The following GMDS variants were observed in gnomAD, a reference collection of about 807,000 sequenced individuals.
The protein encoded by GMDS is GDP-mannose 4,6 dehydratase.
A neutral mutation model predicts 49.9 loss-of-function variants in GMDS; 20 were observed. The ratio of observed to expected loss-of-function variants is 0.40; its 90% CI spans 0.28 to 0.58. The LOEUF is 0.58. Ranked by LOEUF, GMDS falls within the 20% of genes least tolerant of loss-of-function variation. GMDS has a pLI of 0.42. For synonymous variants in GMDS, 177 were observed against 178.6 expected (o/e 0.99, Z 0.07); for missense variants, 362 against 481.4 (o/e 0.75, Z 2.32).
intron 1 of GMDS, among the ~76,000 whole-genome samples, chr6:2,184,230 G>A (rs1420082283): frequency 6.6e-6 from 1 of 152,028 alleles, no homozygotes; most frequent in Non-Finnish European, 1.5e-5. Context: ...CTCTTAATAG[G>A]TATATTTTCT....
At chr6:1,706,496 TCTGA>T (rs1481784807) in intron 9 of GMDS, among the ~76,000 whole-genome samples, 1 of 152,226 alleles carries the variant, frequency 6.6e-6, no homozygotes, top group Non-Finnish European at 1.5e-5. Context: ...GATGCTGAAG[TCTGA>T]CTAACATACT....
intron 4 of GMDS, among the ~76,000 whole-genome samples, chr6:2,011,966 T>C (rs1175031400): frequency 6.6e-6 from 1 of 152,176 alleles, no homozygotes; most frequent in Non-Finnish European, 1.5e-5. Context: ...TTTCTAGCAA[T>C]GTGTATGAAA....
intron 4 of GMDS, among the ~76,000 whole-genome samples, chr6:2,027,937 C>G (rs1365719820): frequency 6.6e-6 from 1 of 151,978 alleles, no homozygotes; most frequent in East Asian, 1.9e-4. Context: ...TTCTTCTACA[C>G]TTTTGGACTC....
At chr6:1,906,758 T>C (rs981230310) in intron 7 of GMDS, among the ~76,000 whole-genome samples, 2 of 151,758 alleles carry the variant, frequency 1.3e-5, no homozygotes, top group Admixed American at 6.6e-5. Context: ...AGGAAAGGAG[T>C]AGGAGCTCTC....
intron 9 of GMDS, among the ~76,000 whole-genome samples, chr6:1,689,448 C>T (rs771857371): frequency 2.6e-5 from 4 of 152,100 alleles, no homozygotes; most frequent in Non-Finnish European, 4.4e-5. Flanking sequence ...TAGGACACTC[C>T]CCCTGAATAA....
chr6:1,756,627 G>A (rs193024914), intron 7 of GMDS, among the ~76,000 whole-genome samples: 3 of 152,316 alleles, frequency 2.0e-5, no homozygotes, highest in Non-Finnish European at 4.4e-5. Context: ...AGAGGGCTCA[G>A]AGGACAGTTC....
intron 7 of GMDS, among the ~76,000 whole-genome samples, chr6:1,763,911 C>T (rs1469127862): frequency 6.6e-6 from 1 of 152,138 alleles, no homozygotes; most frequent in Non-Finnish European, 1.5e-5. Context: ...TTGGAGGGAG[C>T]AGTGCCATTT....
intron 5 of GMDS, among the ~76,000 whole-genome samples, chr6:1,960,424 A>C (rs916684873): frequency 6.6e-6 from 1 of 152,184 alleles, no homozygotes; most frequent in Non-Finnish European, 1.5e-5. Context: ...AAATAAAAAA[A>C]AACATGAAAC....
chr6:1,832,620 G>A (rs1230168454), intron 7 of GMDS, among the ~76,000 whole-genome samples: 3 of 152,070 alleles, frequency 2.0e-5, no homozygotes, highest in African/African-American at 2.4e-5. Flanking sequence ...GTGGAGAAGT[G>A]GAAAAGGACA....
At chr6:2,180,414 T>C in intron 1 of GMDS, among the ~76,000 whole-genome samples, 1 of 152,236 alleles carries the variant, frequency 6.6e-6, no homozygotes. Flanking sequence ...ACAATAAATT[T>C]TGATCTTTTC....
At chr6:1,809,084 T>C (rs1561817778) in intron 7 of GMDS, among the ~76,000 whole-genome samples, 1 of 152,266 alleles carries the variant, frequency 6.6e-6, no homozygotes, top group Non-Finnish European at 1.5e-5. Flanking sequence ...TGTTTCTTTA[T>C]AGCCTGGATT....
chr6:2,077,268 G>A (rs575774386), intron 4 of GMDS, among the ~76,000 whole-genome samples: 1 of 152,058 alleles, frequency 6.6e-6, no homozygotes, highest in South Asian at 2.1e-4. Flanking sequence ...CAATTTAAAT[G>A]CATTTTATTT....
At chr6:1,982,461 C>T (rs562437772) in intron 4 of GMDS, among the ~76,000 whole-genome samples, 4 of 152,154 alleles carry the variant, frequency 2.6e-5, no homozygotes, top group Non-Finnish European at 5.9e-5. Flanking sequence ...TTGCAGATGA[C>T]ATGATCCTGT....
chr6:1,833,170 G>A lies in GMDS; in HGVS notation c.772-90584C>T, dbSNP rs1016755941. Among the ~76,000 whole-genome samples, 15 of 150,882 alleles carry A rather than the reference G, an allele frequency of 9.9e-5. No homozygotes were observed. Among genetic ancestry groups the A allele is most frequent in the African/African-American group, 3.4e-4 (14 of 40,878 alleles). On this transcript the variant is annotated intron_variant, in intron 7 of 10. Coordinates refer to ENST00000380815, the MANE Select transcript of GMDS (RefSeq NM_001500.4). This position sits in a 1 kb window ranked among gnomAD's most constrained non-coding sequence, Gnocchi z 4.4. Reference sequence around the variant, plus strand: ...TTTTTAAACTAATGCACTGGAAGGGGGCAAAGGGTGGCATGGACCCTCAGG... The same window carrying A: ...TTTTTAAACTAATGCACTGGAAGGGAGCAAAGGGTGGCATGGACCCTCAGG...
chr6:1,973,734 AG>A (rs1764742480), intron 4 of GMDS, among the ~76,000 whole-genome samples: 1 of 152,224 alleles, frequency 6.6e-6, no homozygotes, highest in Non-Finnish European at 1.5e-5. Flanking sequence ...ACATTAAAGT[AG>A]GAAGAGAGCA....
chr6:2,203,564 T>A (rs1304269559), intron 1 of GMDS, among the ~76,000 whole-genome samples: 1 of 152,168 alleles, frequency 6.6e-6, no homozygotes, highest in African/African-American at 2.4e-5. Flanking sequence ...GGTGTGACAT[T>A]TAGGCTATGA....
chr6:1,639,802 C>T lies in GMDS; in HGVS notation c.988-15262G>A, dbSNP rs112235824. Among the ~76,000 whole-genome samples, 697 of 152,266 alleles carry T rather than the reference C, an allele frequency of 4.6e-3. 5 individuals are homozygous for T. The highest frequency in any genetic ancestry group is 5.9e-3 in the Non-Finnish European group (403 of 68,016). On this transcript the variant is annotated intron_variant, in intron 9 of 10. Coordinates refer to ENST00000380815, the MANE Select transcript of GMDS (RefSeq NM_001500.4). ...CTGAGGTAGGAGGATGGCTTGAGTC[C>T]GGGAGACAGAGGCTGCAGTGAGCCA...
chr6:2,237,389 T>C (rs1003201756), intron 1 of GMDS, among the ~76,000 whole-genome samples: 8 of 152,344 alleles, frequency 5.3e-5, no homozygotes, highest in African/African-American at 1.7e-4. Flanking sequence ...ACTCATTTCC[T>C]ATGTATTAAG....
At chr6:2,199,640 A>G (rs1012912346) in intron 1 of GMDS, among the ~76,000 whole-genome samples, 1 of 152,182 alleles carries the variant, frequency 6.6e-6, no homozygotes, top group East Asian at 1.9e-4. Flanking sequence ...GCTCCTCTGA[A>G]GGCCTTCTTA....
Sources: gnomAD v4.1 joint callset for allele counts (sites outside exome capture counted in the v4.1 genomes callset) on GRCh38, gnomAD v4.1.1 for gene constraint, Gnocchi (gnomAD v3.1) non-coding constraint, MANE v1.5 for transcripts, NCBI Gene and HGNC (gene_info 2026-07-23, HGNC 2026-07-21) for gene names.